Variants in PTPRD observed in about 807,000 individuals in gnomAD.
PTPRD encodes the protein receptor-type tyrosine-protein phosphatase delta.
PTPRD carries 34 observed loss-of-function variants against 214.5 expected under a neutral mutation model. That is an observed-to-expected ratio of 0.16 (90% CI 0.12 to 0.21). PTPRD has a LOEUF of 0.21. Among genes scored for constraint, PTPRD ranks in the 10% least tolerant of loss-of-function variants. The probability of loss-of-function intolerance (pLI) is 1.00; values close to 1 mark genes in which losing one functional copy is unlikely to be tolerated. For synonymous variants in PTPRD, 1,128 were observed against 845.7 expected, an observed-to-expected ratio of 1.33 and a Z score of -5.79; for missense variants, 2,545 against 2,398.7, an observed-to-expected ratio of 1.06 and a Z score of -1.27.
chr9:8,939,451 CTA>C, intron 11 of PTPRD, among the ~76,000 whole-genome samples: 1 of 152,096 alleles, frequency 6.6e-6, no homozygotes, highest in African/African-American at 2.4e-5. Flanking sequence ...TACTGTGACT[CTA>C]TAATTTATTA....
intron 3 of PTPRD, among the ~76,000 whole-genome samples, chr9:10,273,216 G>T (rs2094512117): frequency 6.6e-6 from 1 of 152,110 alleles, no homozygotes; most frequent in Non-Finnish European, 1.5e-5. Flanking sequence ...TGCCCTTTTA[G>T]ACCAAATATA....
chr9:9,104,278 T>C (rs1205856716), intron 10 of PTPRD, among the ~76,000 whole-genome samples: 1 of 152,128 alleles, frequency 6.6e-6, no homozygotes, highest in Non-Finnish European at 1.5e-5. Flanking sequence ...AAATTCAAAA[T>C]TCATGTAATT....
At chr9:10,589,754 G>C (rs780905613) in intron 2 of PTPRD, among the ~76,000 whole-genome samples, 4 of 151,982 alleles carry the variant, frequency 2.6e-5, no homozygotes, top group Admixed American at 6.6e-5. Context: ...AGAAGGCTTA[G>C]AATCAGGATA....
At chr9:10,241,775 T>C (rs1337530751) in intron 3 of PTPRD, among the ~76,000 whole-genome samples, 1 of 151,968 alleles carries the variant, frequency 6.6e-6, no homozygotes, top group African/African-American at 2.4e-5. Flanking sequence ...GGGTATAATT[T>C]CATAAATAAA....
intron 8 of PTPRD, among the ~76,000 whole-genome samples, chr9:9,403,319 A>G (rs988815714): frequency 2.0e-5 from 3 of 149,876 alleles, no homozygotes; most frequent in African/African-American, 7.3e-5. Context: ...AAACCAAAAC[A>G]AAAAACCCAG....
chr9:10,101,176 A>G (rs1359297219), intron 3 of PTPRD, among the ~76,000 whole-genome samples: 1 of 151,604 alleles, frequency 6.6e-6, no homozygotes, highest in Non-Finnish European at 1.5e-5. Context: ...TTGGCTCATG[A>G]CTGAGAGGAA....
At chr9:8,383,051 C>T (rs1272199342) in intron 37 of PTPRD, among the ~76,000 whole-genome samples, 2 of 152,204 alleles carry the variant, frequency 1.3e-5, no homozygotes, top group Non-Finnish European at 2.9e-5. Context: ...GCAATGAAAA[C>T]AATAGCACTG....
chr9:10,012,951 G>A (rs1257729402), intron 4 of PTPRD, among the ~76,000 whole-genome samples: 1 of 151,848 alleles, frequency 6.6e-6, no homozygotes, highest in Non-Finnish European at 1.5e-5. Context: ...TAATTTTCAA[G>A]ATCATGAATA....
At chr9:9,486,819 T>C (rs1422811718) in intron 8 of PTPRD, among the ~76,000 whole-genome samples, 1 of 152,168 alleles carries the variant, frequency 6.6e-6, no homozygotes, top group African/African-American at 2.4e-5. Context: ...ACATCATACA[T>C]TATAATTACT....
intron 3 of PTPRD, among the ~76,000 whole-genome samples, chr9:10,207,434 G>C (rs1367686143): frequency 6.6e-6 from 1 of 151,362 alleles, no homozygotes; most frequent in Admixed American, 6.6e-5. Context: ...GGTTATGCTG[G>C]CATCATAAAA....
At chr9:9,544,678 A>G (rs1327128295) in intron 8 of PTPRD, among the ~76,000 whole-genome samples, 1 of 151,668 alleles carries the variant, frequency 6.6e-6, no homozygotes, top group East Asian at 1.9e-4. Context: ...TCATACAGCC[A>G]TTTTTCTAGG....
intron 2 of PTPRD, among the ~76,000 whole-genome samples, chr9:10,497,502 G>T (rs2042412477): frequency 6.6e-6 from 1 of 151,906 alleles, no homozygotes; most frequent in Non-Finnish European, 1.5e-5. Context: ...TAGTCATCTG[G>T]TTTTCAGACA....
At chr9:8,744,391 C>A (rs1290438820) in intron 11 of PTPRD, among the ~76,000 whole-genome samples, 1 of 152,178 alleles carries the variant, frequency 6.6e-6, no homozygotes, top group Non-Finnish European at 1.5e-5. Context: ...AAATATGGAA[C>A]CAGCCCAAAT....
At chr9:8,977,932 A>C (rs546525511) in intron 11 of PTPRD, among the ~76,000 whole-genome samples, 1 of 152,256 alleles carries the variant, frequency 6.6e-6, no homozygotes, top group African/African-American at 2.4e-5. Context: ...ACAAATATCC[A>C]ATATTCAATT....
At chr9:9,658,335 C>T (rs757419733) in intron 7 of PTPRD, among the ~76,000 whole-genome samples, 1 of 152,126 alleles carries the variant, frequency 6.6e-6, no homozygotes, top group Non-Finnish European at 1.5e-5. Flanking sequence ...ATCTCCCGAA[C>T]TGGGTTGGCT....
intron 14 of PTPRD, among the ~76,000 whole-genome samples, chr9:8,602,993 G>T (rs945936704): frequency 9.2e-5 from 14 of 152,118 alleles, no homozygotes; most frequent in African/African-American, 3.4e-4. Context: ...AAGATGAAGA[G>T]ATTCCAACAA....
At chr9:8,605,588 C>T (rs921780636) in intron 14 of PTPRD, among the ~76,000 whole-genome samples, 41 of 152,184 alleles carry the variant, frequency 2.7e-4, no homozygotes, top group Non-Finnish European at 5.1e-4. Flanking sequence ...AGTTACTAAG[C>T]CTCTGGAAGC....
At chr9:9,610,415 C>T (rs554553174) in intron 7 of PTPRD, among the ~76,000 whole-genome samples, 1 of 152,236 alleles carries the variant, frequency 6.6e-6, no homozygotes, top group Admixed American at 6.5e-5. Context: ...ATAATATCAA[C>T]GGATTGATAA....
chr9:10,557,893 A>G (rs895069258), intron 2 of PTPRD, among the ~76,000 whole-genome samples: 2 of 152,158 alleles, frequency 1.3e-5, no homozygotes, highest in African/African-American at 2.4e-5. Flanking sequence ...CAAAATTATT[A>G]TCATCAGGAC....
Sources: allele counts gnomAD v4.1 joint callset (sites outside exome capture counted in the v4.1 genomes callset), GRCh38; gene constraint gnomAD v4.1.1; transcripts MANE v1.5; gene names NCBI Gene and HGNC (gene_info 2026-07-23, HGNC 2026-07-21).